PRKCH: variants seen among roughly 807,000 people sequenced by gnomAD.
PRKCH encodes the protein protein kinase C eta type.
In PRKCH, 28 loss-of-function variants were observed where a neutral mutation model predicts 82.5. The observed-to-expected ratio is 0.34, with a 90% CI of 0.25 to 0.47. PRKCH has a LOEUF of 0.47. Among genes scored for constraint, PRKCH ranks in the 20% least tolerant of loss-of-function variants. PRKCH has a pLI of 1.00. For missense variants in PRKCH, 705 were observed against 881.8 expected (o/e 0.80, Z 2.54); for synonymous variants, 322 against 327.4 (o/e 0.98, Z 0.18).
chr14:61,273,449 TTTA>T (rs1392356524), intron 1 of PRKCH, among the ~76,000 whole-genome samples: 1 of 152,244 alleles, frequency 6.6e-6, no homozygotes, highest in Non-Finnish European at 1.5e-5. Context: ...TTATTTACAT[TTTA>T]TTATAGAATA....
intron 2 of PRKCH, among the ~76,000 whole-genome samples, chr14:61,414,681 A>C (rs773382722): frequency 6.7e-6 from 1 of 149,218 alleles, no homozygotes; most frequent in Non-Finnish European, 1.5e-5. Flanking sequence ...GGGTTTCATC[A>C]TGCTGGCTGG....
chr14:61,437,030 G>A (rs1026520791), intron 2 of PRKCH, among the ~76,000 whole-genome samples: 1 of 152,192 alleles, frequency 6.6e-6, no homozygotes, highest in Admixed American at 6.5e-5. Context: ...CTCAGTGCCC[G>A]TGTCACTGTC....
chr14:61,482,755 TGAATCTGCCAGAGTCTGGCATTATCTGA>T (rs1403924992), intron 9 of PRKCH, among the ~76,000 whole-genome samples: 1 of 152,144 alleles, frequency 6.6e-6, no homozygotes, highest in Non-Finnish European at 1.5e-5. Flanking sequence ...GTAGCAGAGG[TGAATCTGCCAGAGTCTGGCATTATCTGA>T]GAATCTGCCT....
At chr14:61,379,068 G>A (rs979786381) in intron 1 of PRKCH, among the ~76,000 whole-genome samples, 7 of 152,180 alleles carry the variant, frequency 4.6e-5, no homozygotes, top group Non-Finnish European at 1.0e-4. Flanking sequence ...CCAGCATGTC[G>A]TGAGGCCATT....
At chr14:61,297,110 C>A (rs990943226) in intron 1 of PRKCH, among the ~76,000 whole-genome samples, 1 of 152,058 alleles carries the variant, frequency 6.6e-6, no homozygotes, top group Non-Finnish European at 1.5e-5. Context: ...GGTTTGTGAC[C>A]ATTAGATGGC....
At chr14:61,359,365 T>A (rs1217825775) in intron 1 of PRKCH, among the ~76,000 whole-genome samples, 1 of 152,192 alleles carries the variant, frequency 6.6e-6, no homozygotes, top group African/African-American at 2.4e-5. Context: ...AGTGTCAGAG[T>A]GTGTCTGAAA....
At chr14:61,504,874 A>T (rs1347635915) in intron 10 of PRKCH, among the ~76,000 whole-genome samples, 1 of 152,152 alleles carries the variant, frequency 6.6e-6, no homozygotes, top group East Asian at 1.9e-4. Flanking sequence ...GTATTCATTT[A>T]TTAATCCATC....
At chr14:61,335,670 A>G (rs2045847666) in intron 1 of PRKCH, among the ~76,000 whole-genome samples, 1 of 152,236 alleles carries the variant, frequency 6.6e-6, no homozygotes, top group Non-Finnish European at 1.5e-5. Flanking sequence ...AATTTTGTGA[A>G]CTAACTCTGG....
chr14:61,320,148 C>T (rs115890158), upstream of PRKCH, among the ~76,000 whole-genome samples: 192 of 152,036 alleles, frequency 1.3e-3, no homozygotes, highest in African/African-American at 4.3e-3. Flanking sequence ...GCCATGATCA[C>T]ACCGCTGTAT....
intron 1 of PRKCH, among the ~76,000 whole-genome samples, chr14:61,232,493 T>C (rs1206804978): frequency 6.6e-6 from 1 of 152,226 alleles, no homozygotes; most frequent in Non-Finnish European, 1.5e-5. Flanking sequence ...AGTGGTGGGA[T>C]TACAGGCGTG....
At chr14:61,498,377 G>A (rs757089092) in intron 10 of PRKCH, among the ~76,000 whole-genome samples, 9 of 152,088 alleles carry the variant, frequency 5.9e-5, no homozygotes, top group South Asian at 4.1e-4. Flanking sequence ...TCAGAAATTG[G>A]TAACCTGCTG....
chr14:61,213,703 A>G (rs1292012975), intron 1 of PRKCH, among the ~76,000 whole-genome samples: 3 of 152,208 alleles, frequency 2.0e-5, no homozygotes, highest in Admixed American at 2.0e-4. Flanking sequence ...CCAACTGTCT[A>G]CAGCAGTGAT....
chr14:61,486,121 A>C (rs17098514), intron 10 of PRKCH, among the ~76,000 whole-genome samples: 9,381 of 152,334 alleles, frequency 0.062, 425 homozygotes, highest in East Asian at 0.15. Flanking sequence ...GAATTGGTTC[A>C]GCCCCAGTTT....
chr14:61,405,228 G>A (rs1183241857), intron 2 of PRKCH, among the ~76,000 whole-genome samples: 1 of 152,166 alleles, frequency 6.6e-6, no homozygotes, highest in Non-Finnish European at 1.5e-5. Context: ...CAAATTGACT[G>A]TCTGGAAATC....
At chr14:61,352,513 A>G (rs1469043528) in intron 1 of PRKCH, among the ~76,000 whole-genome samples, 3 of 151,778 alleles carry the variant, frequency 2.0e-5, no homozygotes, top group Admixed American at 1.3e-4. Context: ...AAATACAAAA[A>G]ATTAGCTGGG....
chr14:61,209,616 A>G (rs1267623041), intron 1 of PRKCH, among the ~76,000 whole-genome samples: 1 of 152,204 alleles, frequency 6.6e-6, no homozygotes, highest in Admixed American at 6.5e-5. Context: ...CATAGTGATC[A>G]TATGATCCAA....
At chr14:61,523,053 T>G (rs1475143454) in intron 10 of PRKCH, among the ~76,000 whole-genome samples, 1 of 152,244 alleles carries the variant, frequency 6.6e-6, no homozygotes, top group Non-Finnish European at 1.5e-5. Context: ...AGTAGTTTTA[T>G]TCTAAAATTA....
intron 5 of PRKCH, among the ~76,000 whole-genome samples, chr14:61,449,686 A>G (rs1299668780): frequency 2.0e-5 from 3 of 152,122 alleles, no homozygotes; most frequent in Non-Finnish European, 4.4e-5. Flanking sequence ...AAGGCCTACA[A>G]TCTCTCTTTT....
At chr14:61,487,516 A>G (rs1473765322) in intron 10 of PRKCH, among the ~76,000 whole-genome samples, 1 of 152,172 alleles carries the variant, frequency 6.6e-6, no homozygotes, top group Non-Finnish European at 1.5e-5. Flanking sequence ...TCATGCTATC[A>G]GACTCCAGGC....
Sources: allele counts gnomAD v4.1 joint callset (sites outside exome capture counted in the v4.1 genomes callset), GRCh38; gene constraint gnomAD v4.1.1; transcripts MANE v1.5; gene names NCBI Gene and HGNC (gene_info 2026-07-23, HGNC 2026-07-21).